Variants in CALM2 observed in about 807,000 individuals in gnomAD.
CALM2 encodes calmodulin-2.
In CALM2, 2 loss-of-function variants were observed where a neutral mutation model predicts 19.8. The ratio of observed to expected loss-of-function variants is 0.10; its 90% CI spans 0.04 to 0.32. CALM2 has a LOEUF of 0.32. Ranked by LOEUF, CALM2 falls within the 10% of genes least tolerant of loss-of-function variation. CALM2 has a pLI of 1.00. For missense variants in CALM2, 38 were observed against 178.7 expected (o/e 0.21, Z 4.49); for synonymous variants, 51 against 52.1 (o/e 0.98, Z 0.09).
chr2:47,161,593 T>G, intron 5 of CALM2, 130 bp downstream of exon 5: 1 of 750,582 alleles, frequency 1.3e-6, no homozygotes, highest in East Asian at 2.7e-5. Flanking sequence ...TTAAGAAGGT[T>G]AAATGTAAGT....
chr2:47,165,057 C>T (rs555445043), intron 2 of CALM2, among the ~76,000 whole-genome samples: 10 of 152,162 alleles, frequency 6.6e-5, no homozygotes, highest in Non-Finnish European at 1.5e-4. Flanking sequence ...TTTTGGAAGG[C>T]ACTACTACTC....
chr2:47,176,566 T>G, upstream of CALM2: 1 of 1,551,648 alleles, frequency 6.4e-7, no homozygotes, highest in African/African-American at 1.4e-5. Flanking sequence ...GCCAGATCCC[T>G]CCGCCGCATC....
chr2:47,173,492 TC>T (rs1666740445), intron 1 of CALM2: 1 of 152,226 alleles, frequency 6.6e-6, no homozygotes, highest in African/African-American at 2.4e-5. Context: ...ACTAGAATGT[TC>T]ATTTTGGAGA....
intron 1 of CALM2, chr2:47,174,236 A>G (rs1666771073): frequency 6.6e-6 from 1 of 152,140 alleles, no homozygotes; most frequent in South Asian, 2.1e-4. Flanking sequence ...AATTTTTTAT[A>G]CTTTAACTTG....
intron 1 of CALM2, among the ~76,000 whole-genome samples, chr2:47,175,462 T>G (rs1359205177): frequency 6.6e-6 from 1 of 152,200 alleles, no homozygotes; most frequent in Non-Finnish European, 1.5e-5. Context: ...AGAAACGCCT[T>G]GTAGAACCCT....
chr2:47,163,237 G>T (rs1687210386), intron 2 of CALM2: 2 of 152,446 alleles, frequency 1.3e-5, no homozygotes. Context: ...TCCCTTTCTA[G>T]TAAGGCAGGA....
intron 2 of CALM2, among the ~76,000 whole-genome samples, chr2:47,167,188 A>G (rs941038516): frequency 1.3e-5 from 2 of 152,198 alleles, no homozygotes; most frequent in South Asian, 2.1e-4. Flanking sequence ...ACATTGAGTA[A>G]TATTAATATT....
At chr2:47,162,459 TG>T in intron 3 of CALM2, 59 bp downstream of exon 3, 1 of 1,610,796 alleles carries the variant, frequency 6.2e-7, no homozygotes, top group East Asian at 2.2e-5. Context: ...AAAGGTTTAG[TG>T]GAAACATCTA....
At chr2:47,175,288 G>C (rs1532467) in intron 1 of CALM2, among the ~76,000 whole-genome samples, 379 of 152,202 alleles carry the variant, frequency 2.5e-3, no homozygotes, top group African/African-American at 6.9e-3. Context: ...AGCAGAAGGG[G>C]AGCAATGTTT....
At chr2:47,163,433 C>A (rs998174657) in intron 2 of CALM2, 1 of 146,558 alleles carries the variant, frequency 6.8e-6, no homozygotes. Context: ...TTCCTTCCTG[C>A]TGTTGTTTTT....
chr2:47,175,960 C>G (rs1171190229), intron 1 of CALM2, among the ~76,000 whole-genome samples: 2 of 151,734 alleles, frequency 1.3e-5, no homozygotes, highest in African/African-American at 4.8e-5. Context: ...CAGGGCCCCG[C>G]GCGCTCCTCC....
At chr2:47,161,612 T>G in intron 5 of CALM2, 111 bp downstream of exon 5, 1 of 950,770 alleles carries the variant, frequency 1.1e-6, no homozygotes, top group Non-Finnish European at 1.6e-6. Context: ...GTAACTGTTT[T>G]AGCAACCTAA....
At chr2:47,172,328 C>A in intron 1 of CALM2, 1 of 434,532 alleles carries the variant, frequency 2.3e-6, no homozygotes, top group Non-Finnish European at 4.7e-6. Context: ...TATCCCAGCC[C>A]TGCCATTTAA....
At chr2:47,176,889 C>A, upstream of CALM2, 2 of 985,368 alleles carry the variant, frequency 2.0e-6, no homozygotes, top group Non-Finnish European at 2.4e-6. Context: ...CGCCGGGACG[C>A]GGTGCGGCTT....
chr2:47,176,481 A>AACCACTCAGCTCGCTCTC lies in CALM2; in HGVS notation c.-56_-39dup, dbSNP rs762022033. The AACCACTCAGCTCGCTCTC allele has an allele frequency of 6.2e-7, 1 of 1,613,440 alleles. No homozygotes were observed. The highest frequency in any genetic ancestry group is 1.3e-5 in the African/African-American group (1 of 74,926). On this transcript the variant is annotated 5_prime_UTR_variant, in exon 1 of 6. Coordinates refer to ENST00000272298, the MANE Select transcript of CALM2 (RefSeq NM_001743.6). ...ACCGGTTTCCGAGACGCGACCACACAACCACTCAGCTCGCTCTCTCCACTC... is the reference window on the plus strand; with the variant it reads ...ACCGGTTTCCGAGACGCGACCACACAACCACTCAGCTCGCTCTCACCACTCAGCTCGCTCTCTCCACTC...
At chr2:47,160,951 T>C in intron 5 of CALM2, 147 bp from the exon 6 acceptor site, 1 of 538,428 alleles carries the variant, frequency 1.9e-6, no homozygotes. Flanking sequence ...AGAGGGAAGC[T>C]AGTTTATTGC....
Position 47,170,774 on chromosome 2 carries a change from G to C in CALM2, c.4-10C>G. ...CAGTCAGTTGGTCAGCCTACAAAGAGATCAAAGAGGAAGGTTAGTGACTTG... is the reference window on the plus strand; with the variant it reads ...CAGTCAGTTGGTCAGCCTACAAAGACATCAAAGAGGAAGGTTAGTGACTTG... On this transcript the variant is annotated splice_polypyrimidine_tract_variant and intron_variant, in intron 1 of 5. Transcript: ENST00000272298. The C allele has an allele frequency of 6.2e-7, 1 of 1,611,870 alleles. No homozygotes were observed.
At chr2:47,172,641 A>G (rs867758998) in intron 1 of CALM2, 13 of 355,690 alleles carry the variant, frequency 3.7e-5, no homozygotes, top group South Asian at 9.6e-5. Context: ...AAATTTATGC[A>G]AACTAAATCC....
At chr2:47,168,683 C>T (rs1666568002) in intron 2 of CALM2, among the ~76,000 whole-genome samples, 1 of 152,062 alleles carries the variant, frequency 6.6e-6, no homozygotes, top group South Asian at 2.1e-4. Flanking sequence ...CACTGCACTC[C>T]AGCCTGGGCA....
Sources: allele counts gnomAD v4.1 joint callset (sites outside exome capture counted in the v4.1 genomes callset), GRCh38; gene constraint gnomAD v4.1.1; transcripts MANE v1.5; gene names NCBI Gene and HGNC (gene_info 2026-07-23, HGNC 2026-07-21).